Variants in GTSE1 observed in about 807,000 individuals in gnomAD.
The protein encoded by GTSE1 is G2 and S phase-expressed protein 1.
GTSE1 carries 52 observed loss-of-function variants against 60.5 expected under a neutral mutation model. That is an observed-to-expected ratio of 0.86 (90% CI 0.69 to 1.08). The LOEUF is 1.08. Among genes scored for constraint, GTSE1 ranks in the 50% least tolerant of loss-of-function variants. GTSE1 has a pLI of 0.00. For synonymous variants in GTSE1, 368 were observed against 386.5 expected (o/e 0.95, Z 0.56); for missense variants, 937 against 961.8 (o/e 0.97, Z 0.34).
intron 2 of GTSE1, among the ~76,000 whole-genome samples, chr22:46,299,959 ATT>A (rs130640): frequency 5.0e-5 from 5 of 100,206 alleles, no homozygotes; most frequent in African/African-American, 4.0e-5. Context: ...CGCCCAGCTA[ATT>A]TTTTTTTTTT....
In GTSE1 at chr22:46,308,205, G is replaced by C. The variant is rs370416620; in HGVS notation, c.135G>C (p.Ser45=). Residue 45 remains serine, a splice_region_variant and synonymous_variant, in exon 3 of 12, where the codon TCG becomes TCC. Transcript: ENST00000454366. ...KFDFDLSLSS[S]SANEDDEVFF... Reference sequence around the variant, plus strand: ...ACTTCGATCTTTCATTGTCTTCTTCGAGGTAAACAAATGAGTTTTCTTCCC... The same window carrying C: ...ACTTCGATCTTTCATTGTCTTCTTCCAGGTAAACAAATGAGTTTTCTTCCC... The C allele has an allele frequency of 6.2e-7, 1 of 1,612,696 alleles. No individual in the cohort carries two copies. Among genetic ancestry groups the C allele is most frequent in the Non-Finnish European group, 8.5e-7 (1 of 1,178,964 alleles).
chr22:46,308,132 T>C lies in GTSE1; in HGVS notation c.80-18T>C. The C allele has an allele frequency of 6.4e-7, 1 of 1,572,978 alleles. No homozygotes were observed. Among genetic ancestry groups the C allele is most frequent in the Non-Finnish European group, 8.7e-7 (1 of 1,143,004 alleles). On this transcript the variant is annotated intron_variant, in intron 2 of 11. Transcript: ENST00000454366. Reference sequence around the variant, plus strand: ...ATCAGCTGTGGCACTAAAATAACAGTGGATTTTTTCCCTCTAGACATTCTT... The same window carrying C: ...ATCAGCTGTGGCACTAAAATAACAGCGGATTTTTTCCCTCTAGACATTCTT...
chr22:46,322,562 G>A (rs1033434482), intron 7 of GTSE1, among the ~76,000 whole-genome samples: 2 of 152,178 alleles, frequency 1.3e-5, no homozygotes, highest in Non-Finnish European at 2.9e-5. Context: ...GCGTGGTGGC[G>A]GGACTGGACC....
At chr22:46,323,004 G>A (rs1384566221) in intron 7 of GTSE1, among the ~76,000 whole-genome samples, 186 bp from the exon 8 acceptor site, 2 of 152,204 alleles carry the variant, frequency 1.3e-5, no homozygotes, top group African/African-American at 4.8e-5. Flanking sequence ...GTGTAGGGGT[G>A]AATGCCTCTC....
At chr22:46,312,934 G>A (rs1048108665) in intron 5 of GTSE1, among the ~76,000 whole-genome samples, 11 of 152,026 alleles carry the variant, frequency 7.2e-5, no homozygotes, top group African/African-American at 1.9e-4. Context: ...AGGCTGAGGC[G>A]GGAGGATCAC....
intron 2 of GTSE1, among the ~76,000 whole-genome samples, chr22:46,301,879 AAC>A (rs371181152): frequency 8.1e-4 from 123 of 152,292 alleles, no homozygotes; most frequent in African/African-American, 2.3e-3. Context: ...CTGTCATCCC[AAC>A]ACTTTGGGAG....
Position 46,326,619 on chromosome 22 carries a change from A to G in GTSE1, c.1689A>G (p.Arg563=). Residue 563 remains arginine (R), a synonymous_variant, in exon 9 of 12, where the codon AGA becomes AGG. Transcript: ENST00000454366. Reference sequence around the variant, plus strand: ...CTCCCCTGTGTGTGCCAGCTCGGAGACGTTCCTCTGAGCCCCGCAAGAACT... The same window carrying G: ...CTCCCCTGTGTGTGCCAGCTCGGAGGCGTTCCTCTGAGCCCCGCAAGAACT... ...VGSPLCVPAR[R]RSSEPRKNSA... 3 of 1,613,080 alleles carry G rather than the reference A, an allele frequency of 1.9e-6. No homozygotes were observed. The highest frequency in any genetic ancestry group is 2.5e-6 in the Non-Finnish European group (3 of 1,179,436).
chr22:46,298,261 C>T (rs752679412), intron 2 of GTSE1, among the ~76,000 whole-genome samples: 31 of 151,806 alleles, frequency 2.0e-4, no homozygotes, highest in Non-Finnish European at 4.4e-5. Flanking sequence ...CCTCACCCAG[C>T]CTCACAAAGC....
intron 2 of GTSE1, among the ~76,000 whole-genome samples, chr22:46,303,595 A>G (rs1055774111): frequency 5.8e-4 from 89 of 152,332 alleles, no homozygotes; most frequent in African/African-American, 2.0e-3. Context: ...TGTCATTGCC[A>G]CGTGCCTGGC....
In GTSE1 at chr22:46,307,998, C is replaced by G. The variant is rs546168918; in HGVS notation, c.80-152C>G. On this transcript the variant is annotated intron_variant, in intron 2 of 11. Coordinates refer to ENST00000454366, the MANE Select transcript of GTSE1 (RefSeq NM_016426.7). ...AAGGAAAAAATATAACTTAGAGCCC[C>G]CTATGAAAAACTAAATTAGCATCAT... is the stretch of plus-strand genomic sequence containing the variant. The G allele has an allele frequency of 1.1e-5, 7 of 609,470 alleles. 1 individual carries two copies. In the South Asian group the frequency reaches 1.5e-4, roughly 13 times the overall value. 37.8% of individuals were successfully genotyped at this position (609,470 alleles called of 1,614,324 possible).
At chr22:46,302,335 G>C (rs1364058141) in intron 2 of GTSE1, among the ~76,000 whole-genome samples, 1 of 150,936 alleles carries the variant, frequency 6.6e-6, no homozygotes, top group Non-Finnish European at 1.5e-5. Flanking sequence ...GCCACACAGA[G>C]ATGTTAAAAT....
At chr22:46,311,970 G>C (rs2077750912) in intron 4 of GTSE1, among the ~76,000 whole-genome samples, 171 bp from the exon 5 acceptor site, 1 of 152,184 alleles carries the variant, frequency 6.6e-6, no homozygotes, top group Non-Finnish European at 1.5e-5. Flanking sequence ...ATAGTGATTT[G>C]GTGGAGGATG....
chr22:46,310,064 G>A lies in GTSE1; in HGVS notation c.762+1121G>A, dbSNP rs963026947. On this transcript the variant is annotated intron_variant, in intron 4 of 11. Transcript: ENST00000454366. This position sits in a 1 kb window ranked among gnomAD's most constrained non-coding sequence, Gnocchi z 4.4. Reference sequence around the variant, plus strand: ...GTTCCCAGTGGACAGGGCACTGTCCGCACAGCTGAGATGCACTCATGCACA... The same window carrying A: ...GTTCCCAGTGGACAGGGCACTGTCCACACAGCTGAGATGCACTCATGCACA... 2.6e-5 allele frequency among the ~76,000 whole-genome samples: 4 copies of A among 152,194 alleles called. No homozygotes were observed. Among genetic ancestry groups the A allele is most frequent in the African/African-American group, 9.7e-5 (4 of 41,440 alleles).
rs1056830939 is a variant in GTSE1, at chr22:46,313,806, CA to C, written c.928-79del. ...ACAGGCGTGAGCCACCGTGCCCAGC[CA>C]AAAACCCCTTACTTTTGCAGACACA... On this transcript the variant is annotated intron_variant, in intron 5 of 11. Transcript: ENST00000454366. The surrounding 1 kb of genome is among the most constrained non-coding windows in gnomAD (Gnocchi z 4.4). 27 of 1,534,092 alleles carry C rather than the reference CA, an allele frequency of 1.8e-5. No individual in the cohort carries two copies. The highest frequency in any genetic ancestry group is 1.9e-5 in the Non-Finnish European group (21 of 1,115,208).
At chr22:46,325,257 C>T (rs1338210614) in intron 8 of GTSE1, among the ~76,000 whole-genome samples, 2 of 151,202 alleles carry the variant, frequency 1.3e-5, no homozygotes, top group Non-Finnish European at 3.0e-5. Context: ...AGTGCAGTGG[C>T]GCGATCTTGG....
chr22:46,299,159 T>C (rs1301030163), intron 2 of GTSE1, among the ~76,000 whole-genome samples: 1 of 152,270 alleles, frequency 6.6e-6, no homozygotes, highest in Non-Finnish European at 1.5e-5. Flanking sequence ...CAAGACGCTC[T>C]TGGTTTTTTC....
intron 2 of GTSE1, among the ~76,000 whole-genome samples, chr22:46,307,189 A>C (rs990097964): frequency 3.3e-5 from 5 of 152,202 alleles, no homozygotes; most frequent in African/African-American, 1.2e-4. Flanking sequence ...GTACAGAGTA[A>C]TTTCATCTGA....
rs2077795469 is a variant in GTSE1 at position 46,318,802 on chromosome 22, C to T, written c.1432+2390C>T. 6.6e-6 allele frequency among the ~76,000 whole-genome samples: 1 copy of T among 152,174 alleles called. No individual in the cohort carries two copies. The highest frequency in any genetic ancestry group is 1.5e-5 in the Non-Finnish European group (1 of 68,034). ...GGGATTCTGCGTAGACGTGCGACAG[C>T]TGGTCAGTACTCCTTGGTGTCAGGG... On this transcript the variant is annotated intron_variant, in intron 7 of 11. Coordinates refer to ENST00000454366, the MANE Select transcript of GTSE1 (RefSeq NM_016426.7). The surrounding 1 kb of genome is among the most constrained non-coding windows in gnomAD (Gnocchi z 4.8).
rs1357225661 is a variant in GTSE1 at position 46,317,113 on chromosome 22, C to T, written c.1432+701C>T. On this transcript the variant is annotated intron_variant, in intron 7 of 11. Coordinates refer to ENST00000454366, the MANE Select transcript of GTSE1 (RefSeq NM_016426.7). The surrounding 1 kb of genome is among the most constrained non-coding windows in gnomAD (Gnocchi z 5.6). ...AGTAGCTGGGATTACAGGTGCCCAC[C>T]ACCACACCCGGCTAATTTTTTTTTT... is the stretch of plus-strand genomic sequence containing the variant. Among the ~76,000 whole-genome samples, 2 of 152,142 alleles carry T rather than the reference C, an allele frequency of 1.3e-5. No homozygotes were observed. Among genetic ancestry groups the T allele is most frequent in the Admixed American group, 1.3e-4 (2 of 15,270 alleles).
Sources: gnomAD v4.1 joint callset for allele counts (sites outside exome capture counted in the v4.1 genomes callset) on GRCh38, gnomAD v4.1.1 for gene constraint, Gnocchi (gnomAD v3.1) non-coding constraint, MANE v1.5 for transcripts, NCBI Gene and HGNC (gene_info 2026-07-23, HGNC 2026-07-21) for gene names.